The following MYBBP1A variants were observed in gnomAD, a reference collection of about 807,000 sequenced individuals.
MYBBP1A encodes the protein MYB binding protein 1a, also known as myb-binding protein 1A.
In MYBBP1A, 147 loss-of-function variants were observed where a neutral mutation model predicts 136.3. The ratio of observed to expected loss-of-function variants is 1.08; its 90% CI spans 0.94 to 1.24. The LOEUF (loss-of-function observed/expected upper bound fraction) is 1.24. MYBBP1A is among the 50% of genes most tolerant of loss of function. The pLI is 0.00. For missense variants in MYBBP1A, 2,060 were observed against 1,727.4 expected (o/e 1.19, Z -3.41); for synonymous variants, 947 against 735.8 (o/e 1.29, Z -4.65).
Position 4,552,041 on chromosome 17 carries a change from C to A in MYBBP1A, c.906-44G>T, listed in dbSNP as rs202060977. The A allele has an allele frequency of 2.9e-5, 47 of 1,594,730 alleles. No homozygotes were observed. Among genetic ancestry groups the A allele is most frequent in the Middle Eastern group, 3.3e-4 (2 of 5,982 alleles). On this transcript the variant is annotated intron_variant, in intron 7 of 25. Coordinates refer to ENST00000254718, the MANE Select transcript of MYBBP1A (RefSeq NM_014520.4). The surrounding 1 kb of genome is among the most constrained non-coding windows in gnomAD (Gnocchi z 4.7). ...AGAGCCTGGTCAGAGCCCTTGGTGC[C>A]CCTGGTGGGAACCTCAGGACTAGTG...
In MYBBP1A at chr17:4,539,024, C is replaced by T. The variant is rs781089507; in HGVS notation, c.*391G>A. The T allele has an allele frequency of 1.1e-5, 9 of 844,284 alleles. No homozygotes were observed. The highest frequency in any genetic ancestry group is 6.8e-5 in the Admixed American group (4 of 58,624). The allele number at this position is 844,284 out of a possible 1,614,324, so 52.3% of individuals were successfully genotyped here. On this transcript the variant is annotated 3_prime_UTR_variant, in exon 26 of 26. Coordinates refer to ENST00000254718, the MANE Select transcript of MYBBP1A (RefSeq NM_014520.4). ...TCCTCTTGTAAATGAAGAAATAAAC[C>T]TATTTAAATCACCCCCTGGTGGCTC...
chr17:4,541,405 G>A (rs1392666834), intron 24 of MYBBP1A, 58 bp downstream of exon 24: 28 of 1,465,430 alleles, frequency 1.9e-5, no homozygotes, highest in Non-Finnish European at 2.4e-5. Context: ...CTGGCCGGGA[G>A]GCCCCAAGGC....
Position 4,539,919 on chromosome 17 carries a change from G to T in MYBBP1A, c.3483C>A (p.Thr1161=), listed in dbSNP as rs1241579329. ...TCCGCTTCTTACTGATGGGGCTCTG[G>T]GTGGCACTGGGGATCTCCTTGGCAT... ...KKDAKEIPSA[T]QSPISKKRKK... is the part of the protein sequence containing the mutation. Residue 1161 remains threonine, a synonymous_variant, in exon 26 of 26, where the codon ACC becomes ACA. Transcript: ENST00000254718. 16 of 1,599,988 alleles carry T rather than the reference G, an allele frequency of 1.0e-5. No homozygotes were observed. Among genetic ancestry groups the T allele is most frequent in the Middle Eastern group, 1.7e-4 (1 of 6,060 alleles).
intron 16 of MYBBP1A, 40 bp downstream of exon 16, chr17:4,545,219 C>T (rs1209005564): frequency 6.2e-7 from 1 of 1,612,918 alleles, no homozygotes; most frequent in African/African-American, 1.3e-5. Flanking sequence ...CCCGATCGTC[C>T]CACTCCCCAC....
At chr17:4,551,793 C>G (rs1907526720) in intron 8 of MYBBP1A, 87 bp downstream of exon 8, 1 of 1,186,874 alleles carries the variant, frequency 8.4e-7, no homozygotes, top group African/African-American at 1.5e-5. Flanking sequence ...CTAGCCAAGC[C>G]CCCGAGGTGC....
Position 4,540,067 on chromosome 17 carries a change from C to A in MYBBP1A, c.3435-100G>T, listed in dbSNP as rs1024023491. On this transcript the variant is annotated intron_variant, in intron 25 of 25. Transcript: ENST00000254718. ...CCTGGATTCTGAGGGTCCTCTGAGG[C>A]CCCTAGGTTCTGTGAGGCCCCTATG... 11 of 1,384,356 alleles carry A rather than the reference C, an allele frequency of 7.9e-6. No homozygotes were observed. The African/African-American group carries it at 1.0e-4, about 13-fold the overall frequency. The allele number at this position is 1,384,356 out of a possible 1,614,324, so 85.8% of individuals were successfully genotyped here.
At chr17:4,549,254 G>T in intron 10 of MYBBP1A, 78 bp downstream of exon 10, 1 of 1,265,348 alleles carries the variant, frequency 7.9e-7, no homozygotes, top group Non-Finnish European at 1.1e-6. Flanking sequence ...TCCAGGGGAT[G>T]CAAACTAGGA....
rs141378997 is a variant in MYBBP1A at position 4,540,385 on chromosome 17, C to G, written c.3397G>C (p.Asp1133His). The change falls in exon 25 of 26, where the codon GAC (aspartate) becomes CAC (histidine). Residue 1133 changes from aspartate (D) to histidine (H), a missense_variant. Asp to His is a moderately conservative substitution (Grantham distance 81). Coordinates refer to ENST00000254718, the MANE Select transcript of MYBBP1A (RefSeq NM_014520.4). ...GTTTTCATGGCCTGCCAGTAGAGGT[C>G]GTGCAGGCGGCTGGAGCCGGTGGAG... ...AHSTGSSRLH[D>H]LYWQAMKTLG... 204 of 1,609,914 alleles carry G rather than the reference C, an allele frequency of 1.3e-4. 1 individual carries two copies. Among genetic ancestry groups the G allele is most frequent in the Admixed American group, 1.8e-4 (11 of 59,998 alleles).
At chr17:4,540,105 G>A (rs1906230529) in intron 25 of MYBBP1A, 138 bp from the exon 26 acceptor site, 2 of 1,221,538 alleles carry the variant, frequency 1.6e-6, no homozygotes, top group South Asian at 1.5e-5. Flanking sequence ...GGTCCCGTGA[G>A]GGTCCTATGA....
rs188069054 is a variant in MYBBP1A, at chr17:4,552,953, G to C, written c.562-327C>G. ...GGTTGAAGCAATTCTCCTGCCTCAG[G>C]TGGGATTAAAGGTGTGCGCCATCAC... On this transcript the variant is annotated intron_variant, in intron 5 of 25. Transcript: ENST00000254718. This position sits in a 1 kb window ranked among gnomAD's most constrained non-coding sequence, Gnocchi z 4.7. 3.7e-3 allele frequency among the ~76,000 whole-genome samples: 567 copies of C among 151,828 alleles called. 5 individuals are homozygous for C. The highest frequency in any genetic ancestry group is 0.013 in the African/African-American group (532 of 41,406).
rs1293702662 is a variant in MYBBP1A, at chr17:4,544,577, G to T, written c.2551C>A (p.Pro851Thr). The change falls in exon 19 of 26, where the codon CCG (proline) becomes ACG (threonine). Residue 851 changes from proline (P) to threonine (T), a missense_variant. Transcript: ENST00000254718. ...ENALVLELLE[P>T]LLSIIRRSLR... ...CTGCGCCGGATGATGCTCAGCAGCGGCTCCAGCAGCTCCAGGACCAGGGCA... is the reference window on the plus strand; with the variant it reads ...CTGCGCCGGATGATGCTCAGCAGCGTCTCCAGCAGCTCCAGGACCAGGGCA... The T allele has an allele frequency of 1.3e-6, 2 of 1,575,800 alleles. No individual in the cohort carries two copies. The highest frequency in any genetic ancestry group is 2.3e-5 in the East Asian group (1 of 42,708).
In MYBBP1A at chr17:4,539,335, A is replaced by C; in HGVS notation, c.*80T>G. The C allele has an allele frequency of 3.7e-5, 53 of 1,432,142 alleles. No individual in the cohort carries two copies. The highest frequency in any genetic ancestry group is 2.9e-5 in the African/African-American group (2 of 69,194). The allele number at this position is 1,432,142 out of a possible 1,614,324, so 88.7% of individuals were successfully genotyped here. ...CCTTAGAAACAGCTTGCGTATTAAA[A>C]TCATGGTTTAAAAAAAAAAAAAAAA... On this transcript the variant is annotated 3_prime_UTR_variant, in exon 26 of 26. Coordinates refer to ENST00000254718, the MANE Select transcript of MYBBP1A (RefSeq NM_014520.4).
In MYBBP1A at chr17:4,544,865, CAG is replaced by C. The variant is rs1479057097; in HGVS notation, c.2365_2366del (p.Leu789GlyfsTer106). ...EELGDEAMMA[L>X]DQSLASLFAE... ...CAAAGAGGCTGGCGAGGCTCTGGTC[CAG>C]GGCCATCATGGCCTCATCCCCCAGC... On this transcript the variant is annotated frameshift_variant, in exon 18 of 26. Coordinates refer to ENST00000254718, the MANE Select transcript of MYBBP1A (RefSeq NM_014520.4). LOFTEE classifies it high-confidence loss of function. The C allele has an allele frequency of 5.0e-6, 8 of 1,608,360 alleles. No individual in the cohort carries two copies. The highest frequency in any genetic ancestry group is 6.8e-6 in the Non-Finnish European group (8 of 1,177,950).
chr17:4,539,101 T>C lies in MYBBP1A; in HGVS notation c.*314A>G. 2 of 1,519,048 alleles carry C rather than the reference T, an allele frequency of 1.3e-6. No homozygotes were observed. Among genetic ancestry groups the C allele is most frequent in the Non-Finnish European group, 1.8e-6 (2 of 1,121,712 alleles). The allele number at this position is 1,519,048 out of a possible 1,614,324, so 94.1% of individuals were successfully genotyped here. A position where few individuals can be genotyped will look rare whatever the true frequency, so the allele number is the denominator to read the frequency against. On this transcript the variant is annotated 3_prime_UTR_variant, in exon 26 of 26. Transcript: ENST00000254718. Reference sequence around the variant, plus strand: ...AAGAGGTGGCAGGCACGAGAGATGGTCACACCTGCCTGCAGCCAGCACATC... The same window carrying C: ...AAGAGGTGGCAGGCACGAGAGATGGCCACACCTGCCTGCAGCCAGCACATC...
chr17:4,547,705 GGA>G (rs1907125252), intron 13 of MYBBP1A: 1 of 432,550 alleles, frequency 2.3e-6, no homozygotes. Context: ...TGTCAAACAT[GGA>G]GAGGGGGTGT....
rs1871223007 is a variant in MYBBP1A, at chr17:4,540,493, G to GGTGGGAAGGCAGAGCT, written c.3298-25_3298-10dup. 9 of 1,603,846 alleles carry GGTGGGAAGGCAGAGCT rather than the reference G, an allele frequency of 5.6e-6. No individual in the cohort carries two copies. Among genetic ancestry groups the GGTGGGAAGGCAGAGCT allele is most frequent in the South Asian group, 4.4e-5 (4 of 90,500 alleles). On this transcript the variant is annotated splice_polypyrimidine_tract_variant and intron_variant, in intron 24 of 25. Coordinates refer to ENST00000254718, the MANE Select transcript of MYBBP1A (RefSeq NM_014520.4). ...AGGTCCAAGGTCAGCTTCTGCAGAGGGTGGGAAGGCAGAGCTGTGGGGCCA... is the reference window on the plus strand; with the variant it reads ...AGGTCCAAGGTCAGCTTCTGCAGAGGGTGGGAAGGCAGAGCTGTGGGAAGGCAGAGCTGTGGGGCCA...
chr17:4,552,023 G>C lies in MYBBP1A; in HGVS notation c.906-26C>G, dbSNP rs1323196816. 1 of 1,598,790 alleles carries C rather than the reference G, an allele frequency of 6.3e-7. No individual in the cohort carries two copies. Among genetic ancestry groups the C allele is most frequent in the African/African-American group, 1.3e-5 (1 of 74,726 alleles). ...CTAAAGGGGGTGCAGGACAGAGCCT[G>C]GTCAGAGCCCTTGGTGCCCCTGGTG... is the stretch of plus-strand genomic sequence containing the variant. On this transcript the variant is annotated intron_variant, in intron 7 of 25. Transcript: ENST00000254718. This position sits in a 1 kb window ranked among gnomAD's most constrained non-coding sequence, Gnocchi z 4.7.
rs775880167 is a variant in MYBBP1A, at chr17:4,539,684, G to A, written c.3718C>T (p.Arg1240Trp). ...TKSPAPGAPT[R>W]SPSTPAKSPK... Reference sequence around the variant, plus strand: ...GATTTGGCAGGGGTGCTGGGGCTCCGGGTGGGGGCGCCAGGGGCTGGACTC... The same window carrying A: ...GATTTGGCAGGGGTGCTGGGGCTCCAGGTGGGGGCGCCAGGGGCTGGACTC... The change falls in exon 26 of 26, where the codon CGG becomes TGG. Residue 1240 changes from arginine (R) to tryptophan (W), a missense_variant. By Grantham distance (101) the Arg-to-Trp change is moderately radical. Transcript: ENST00000254718. 45 of 1,608,754 alleles carry A rather than the reference G, an allele frequency of 2.8e-5. No homozygotes were observed. The highest frequency in any genetic ancestry group is 1.3e-4 in the Admixed American group (8 of 59,488).
chr17:4,550,048 G>A lies in MYBBP1A; in HGVS notation c.1319+10C>T. On this transcript the variant is annotated intron_variant, in intron 9 of 25. Coordinates refer to ENST00000254718, the MANE Select transcript of MYBBP1A (RefSeq NM_014520.4). The stretch of plus-strand genomic sequence containing the variant: ...CCTAAATTAGGTGTCCTCCCCCAAG[G>A]TCCACTCACATGTGGAGCGATGAAT... The A allele has an allele frequency of 3.1e-6, 5 of 1,601,450 alleles. No individual in the cohort carries two copies. Among genetic ancestry groups the A allele is most frequent in the Non-Finnish European group, 4.3e-6 (5 of 1,171,798 alleles).
Sources: gnomAD v4.1 joint callset for allele counts (sites outside exome capture counted in the v4.1 genomes callset) on GRCh38, gnomAD v4.1.1 for gene constraint, Gnocchi (gnomAD v3.1) non-coding constraint, MANE v1.5 for transcripts, NCBI Gene and HGNC (gene_info 2026-07-23, HGNC 2026-07-21) for gene names.